The following CSNK1G1 variants were observed in gnomAD, a reference collection of about 807,000 sequenced individuals.
The protein encoded by CSNK1G1 is casein kinase 1 gamma 1, also known as casein kinase I isoform gamma-1.
In CSNK1G1, 22 loss-of-function variants were observed where a neutral mutation model predicts 59.6. That is an observed-to-expected ratio of 0.37 (90% CI 0.26 to 0.53). The LOEUF (loss-of-function observed/expected upper bound fraction) is 0.53, where lower values mean the gene tolerates loss of function less well. Ranked by LOEUF, CSNK1G1 falls within the 20% of genes least tolerant of loss-of-function variation. The pLI is 0.89. For missense variants in CSNK1G1, 384 were observed against 519.5 expected, an observed-to-expected ratio of 0.74 and a Z score of 2.54; for synonymous variants, 179 against 177.1, an observed-to-expected ratio of 1.01 and a Z score of -0.08.
chr15:64,261,292 G>A (rs1313071929), intron 2 of CSNK1G1, among the ~76,000 whole-genome samples: 3 of 152,106 alleles, frequency 2.0e-5, no homozygotes, highest in Admixed American at 2.0e-4. Flanking sequence ...AATGAGCATT[G>A]TTACTGTGAC....
chr15:64,275,254 G>T (rs979140911), intron 2 of CSNK1G1, among the ~76,000 whole-genome samples: 1 of 152,134 alleles, frequency 6.6e-6, no homozygotes, highest in African/African-American at 2.4e-5. Context: ...TGCCAGGCTG[G>T]TCTCAAACTC....
intron 2 of CSNK1G1, among the ~76,000 whole-genome samples, chr15:64,282,568 C>A (rs1894199281): frequency 6.6e-6 from 1 of 152,156 alleles, no homozygotes; most frequent in Non-Finnish European, 1.5e-5. Flanking sequence ...AATCAATGGT[C>A]TTTTTGTTAC....
chr15:64,272,638 G>A (rs1407949231), intron 2 of CSNK1G1, among the ~76,000 whole-genome samples: 1 of 152,112 alleles, frequency 6.6e-6, no homozygotes, highest in African/African-American at 2.4e-5. Flanking sequence ...TTGTTTGTGA[G>A]GTTACTTTAT....
At chr15:64,189,174 T>G (rs2081938079) in intron 10 of CSNK1G1, among the ~76,000 whole-genome samples, 1 of 152,162 alleles carries the variant, frequency 6.6e-6, no homozygotes, top group African/African-American at 2.4e-5. Flanking sequence ...ATCGTTTGCC[T>G]GGTTCTTCTA....
chr15:64,263,079 CAAA>C (rs1216890234), intron 2 of CSNK1G1, among the ~76,000 whole-genome samples: 1 of 53,582 alleles, frequency 1.9e-5, no homozygotes, highest in African/African-American at 5.0e-5. Context: ...AACGCCATCT[CAAA>C]AAAAAAAAAA....
intron 4 of CSNK1G1, among the ~76,000 whole-genome samples, chr15:64,222,434 C>A (rs1453369582): frequency 0.079 from 4,294 of 54,378 alleles, 211 homozygotes; most frequent in South Asian, 0.13. Context: ...ACAACAACAC[C>A]ACCAAAAAAA....
intron 2 of CSNK1G1, among the ~76,000 whole-genome samples, chr15:64,262,030 T>G (rs531466851): frequency 6.6e-6 from 1 of 152,158 alleles, no homozygotes; most frequent in Admixed American, 6.5e-5. Flanking sequence ...TCTTAAAGTT[T>G]AAAATGAAAG....
chr15:64,351,926 AG>A (rs1266539632), intron 1 of CSNK1G1, among the ~76,000 whole-genome samples: 1 of 152,186 alleles, frequency 6.6e-6, no homozygotes, highest in Non-Finnish European at 1.5e-5. Context: ...AGAAGAAGAC[AG>A]GGGAAAAAGT....
chr15:64,284,077 C>A (rs1894283981), intron 2 of CSNK1G1, among the ~76,000 whole-genome samples: 1 of 152,040 alleles, frequency 6.6e-6, no homozygotes, highest in African/African-American at 2.4e-5. Flanking sequence ...TGTCCCAATA[C>A]CACTTGTCAA....
At chr15:64,265,343 T>C (rs564129148) in intron 2 of CSNK1G1, among the ~76,000 whole-genome samples, 269 of 152,306 alleles carry the variant, frequency 1.8e-3, no homozygotes, top group Non-Finnish European at 3.5e-3. Flanking sequence ...CCATGTATAG[T>C]GGGAGAGACC....
At position 64,166,066 on chromosome 15, in the gene CSNK1G1, T is replaced by C; in HGVS notation, c.*5865A>G. On this transcript the variant is annotated 3_prime_UTR_variant, in exon 12 of 12. Coordinates refer to ENST00000303052, the MANE Select transcript of CSNK1G1 (RefSeq NM_022048.5). The surrounding 1 kb of genome is among the most constrained non-coding windows in gnomAD (Gnocchi z 4.5). ...GCTTTGTGACCAGTGCCAGGGTTTA[T>C]GAAACATTATACATCTAAAAAAAAA... is the stretch of plus-strand genomic sequence containing the variant. The C allele has an allele frequency of 1.6e-6, 1 of 644,558 alleles. No individual in the cohort carries two copies. 39.9% of individuals were successfully genotyped at this position (644,558 alleles called of 1,614,324 possible). A position where few individuals can be genotyped will look rare whatever the true frequency, so the allele number is the denominator to read the frequency against.
At chr15:64,310,146 T>A (rs1347833730) in intron 1 of CSNK1G1, among the ~76,000 whole-genome samples, 1 of 152,024 alleles carries the variant, frequency 6.6e-6, no homozygotes, top group East Asian at 1.9e-4. Context: ...TTGTTTTAAA[T>A]CCAACTCTAA....
chr15:64,309,834 G>C (rs1398981471), intron 1 of CSNK1G1, among the ~76,000 whole-genome samples: 1 of 152,188 alleles, frequency 6.6e-6, no homozygotes, highest in Non-Finnish European at 1.5e-5. Flanking sequence ...TTTTGGCCTG[G>C]TGTGGTGGCT....
At chr15:64,294,742 C>T (rs1441643533) in intron 2 of CSNK1G1, among the ~76,000 whole-genome samples, 3 of 150,988 alleles carry the variant, frequency 2.0e-5, no homozygotes, top group African/African-American at 7.3e-5. Flanking sequence ...GAAACCCCGT[C>T]TCTACAAAAA....
At chr15:64,345,182 G>A (rs1303836391) in intron 1 of CSNK1G1, among the ~76,000 whole-genome samples, 1 of 152,206 alleles carries the variant, frequency 6.6e-6, no homozygotes, top group African/African-American at 2.4e-5. Flanking sequence ...AAAGCCAAGT[G>A]AAAGAGGATT....
At chr15:64,350,431 A>G (rs372467999) in intron 1 of CSNK1G1, among the ~76,000 whole-genome samples, 1 of 151,972 alleles carries the variant, frequency 6.6e-6, no homozygotes, top group East Asian at 1.9e-4. Context: ...AACCCGGGAG[A>G]TGGAGCTTGC....
At position 64,188,877 on chromosome 15, in the gene CSNK1G1, C is replaced by T. The variant is rs1170801787; in HGVS notation, c.1108-8423G>A. 6.6e-6 allele frequency among the ~76,000 whole-genome samples: 1 copy of T among 152,204 alleles called. No homozygotes were observed. Among genetic ancestry groups the T allele is most frequent in the Non-Finnish European group, 1.5e-5 (1 of 68,024 alleles). ...GAGTGGTGGCATACGCCTATAATCT[C>T]AGCACTTTGGGAGGCCAAGGTGGGC... On this transcript the variant is annotated intron_variant, in intron 10 of 11. Coordinates refer to ENST00000303052, the MANE Select transcript of CSNK1G1 (RefSeq NM_022048.5). This position sits in a 1 kb window ranked among gnomAD's most constrained non-coding sequence, Gnocchi z 4.2.
intron 2 of CSNK1G1, among the ~76,000 whole-genome samples, chr15:64,272,298 C>T (rs1456110361): frequency 1.3e-5 from 2 of 151,822 alleles, no homozygotes; most frequent in Admixed American, 1.3e-4. Context: ...TCACTGCAAG[C>T]TCTGCCTCCT....
intron 1 of CSNK1G1, among the ~76,000 whole-genome samples, chr15:64,349,182 C>G (rs1898143468): frequency 6.7e-6 from 1 of 150,166 alleles, no homozygotes; most frequent in Admixed American, 6.6e-5. Context: ...AAATGTATAA[C>G]TTTCATTCAG....
Sources: allele counts gnomAD v4.1 joint callset (sites outside exome capture counted in the v4.1 genomes callset), GRCh38; gene constraint gnomAD v4.1.1; non-coding constraint Gnocchi (gnomAD v3.1); transcripts MANE v1.5; gene names NCBI Gene and HGNC (gene_info 2026-07-23, HGNC 2026-07-21).